RBMS3: variants seen among roughly 807,000 people sequenced by gnomAD.
The protein encoded by RBMS3 is RNA binding motif single stranded interacting protein 3.
Under a neutral mutation model 66.8 loss-of-function variants are expected in RBMS3, and 27 were observed. That is an observed-to-expected ratio of 0.40 (90% CI 0.30 to 0.56). RBMS3 has a LOEUF of 0.56. Among genes scored for constraint, RBMS3 ranks in the 20% least tolerant of loss-of-function variants. The pLI is 0.40. For missense variants in RBMS3, 513 were observed against 549.5 expected (o/e 0.93, Z 0.66); for synonymous variants, 188 against 183.0 (o/e 1.03, Z -0.22).
chr3:29,948,992 T>C (rs978028914), intron 12 of RBMS3, among the ~76,000 whole-genome samples: 2 of 151,724 alleles, frequency 1.3e-5, no homozygotes, highest in African/African-American at 2.4e-5. Flanking sequence ...GTACATGATA[T>C]GTGCGCAAGT....
chr3:29,769,144 G>T (rs559354055), intron 6 of RBMS3, among the ~76,000 whole-genome samples: 2 of 151,786 alleles, frequency 1.3e-5, no homozygotes, highest in African/African-American at 2.4e-5. Context: ...AGAGGTAGTA[G>T]TCAGGTAGCA....
At chr3:29,924,087 A>G (rs2060866355) in intron 10 of RBMS3, among the ~76,000 whole-genome samples, 1 of 152,194 alleles carries the variant, frequency 6.6e-6, no homozygotes, top group African/African-American at 2.4e-5. Context: ...TGCACAATAC[A>G]ATTCTATATA....
At chr3:29,930,252 C>A (rs2061082993) in intron 10 of RBMS3, among the ~76,000 whole-genome samples, 1 of 151,014 alleles carries the variant, frequency 6.6e-6, no homozygotes, top group Non-Finnish European at 1.5e-5. Flanking sequence ...GCTGGGACTA[C>A]AGGCGCCTAC....
chr3:29,750,513 A>G (rs1042503647), intron 5 of RBMS3, among the ~76,000 whole-genome samples: 9 of 152,214 alleles, frequency 5.9e-5, no homozygotes, highest in Admixed American at 1.3e-4. Context: ...TTTGGAATAC[A>G]TGTTAATACA....
intron 4 of RBMS3, among the ~76,000 whole-genome samples, chr3:29,662,691 G>A (rs540442181): frequency 6.6e-5 from 10 of 152,126 alleles, no homozygotes; most frequent in Admixed American, 3.9e-4. Flanking sequence ...TCCTATCCAC[G>A]TGATTCTACT....
chr3:29,457,222 G>T (rs1211702671), intron 2 of RBMS3, among the ~76,000 whole-genome samples: 1 of 152,144 alleles, frequency 6.6e-6, no homozygotes, highest in South Asian at 2.1e-4. Context: ...TCTTCTAGAT[G>T]TCTCTCGAGT....
intron 1 of RBMS3, among the ~76,000 whole-genome samples, chr3:29,387,412 C>T (rs1017561501): frequency 6.6e-5 from 10 of 152,110 alleles, no homozygotes; most frequent in African/African-American, 1.9e-4. Flanking sequence ...TTTTTTCTCA[C>T]CTGTCACATA....
At chr3:29,326,077 T>TC (rs1265291325) in intron 1 of RBMS3, among the ~76,000 whole-genome samples, 2 of 152,232 alleles carry the variant, frequency 1.3e-5, no homozygotes, top group African/African-American at 4.8e-5. Context: ...GGTGTTTTTT[T>TC]CCTAAGAAGT....
At chr3:29,285,519 G>T (rs914729106) in intron 1 of RBMS3, among the ~76,000 whole-genome samples, 4 of 152,082 alleles carry the variant, frequency 2.6e-5, no homozygotes, top group African/African-American at 7.2e-5. Context: ...CCAGTGCCCA[G>T]TTGCCAATGA....
At chr3:29,784,083 G>A (rs1245662123) in intron 6 of RBMS3, among the ~76,000 whole-genome samples, 1 of 151,884 alleles carries the variant, frequency 6.6e-6, no homozygotes, top group African/African-American at 2.4e-5. Context: ...GAGATAGAAG[G>A]CAACACAATA....
intron 4 of RBMS3, among the ~76,000 whole-genome samples, chr3:29,685,510 A>C (rs1276561914): frequency 6.6e-6 from 1 of 152,070 alleles, no homozygotes; most frequent in Non-Finnish European, 1.5e-5. Context: ...CCATCCTCTA[A>C]AAAAGGGAAG....
chr3:29,809,028 C>G (rs917292553), intron 6 of RBMS3, among the ~76,000 whole-genome samples: 1 of 151,816 alleles, frequency 6.6e-6, no homozygotes, highest in African/African-American at 2.4e-5. Flanking sequence ...AATGTATATT[C>G]TCCTTATTTT....
chr3:29,993,271 A>G (rs545227732), intron 14 of RBMS3, among the ~76,000 whole-genome samples: 7 of 152,320 alleles, frequency 4.6e-5, no homozygotes, highest in African/African-American at 1.7e-4. Flanking sequence ...ATACTGTGGT[A>G]GACTCTGAAA....
intron 3 of RBMS3, among the ~76,000 whole-genome samples, chr3:29,582,588 T>C (rs1170365048): frequency 6.6e-6 from 1 of 152,318 alleles, no homozygotes; most frequent in Admixed American, 6.5e-5. Flanking sequence ...TTTGCCAGTG[T>C]TGTGTTGAGG....
At chr3:29,851,443 G>A (rs1159336311) in intron 6 of RBMS3, among the ~76,000 whole-genome samples, 1 of 151,962 alleles carries the variant, frequency 6.6e-6, no homozygotes, top group African/African-American at 2.4e-5. Flanking sequence ...TTATTAGCTG[G>A]GTATACTTAA....
At position 29,547,897 on chromosome 3, in the gene RBMS3, G is replaced by A. The variant is rs553263231; in HGVS notation, c.308-39217G>A. ...CACAATCTCAGTTCACACAACCTCC[G>A]TCTTCTCATGTCTCAGCCTCCTGAG... On this transcript the variant is annotated intron_variant, in intron 3 of 14. Transcript: ENST00000383767. 3.4e-4 allele frequency among the ~76,000 whole-genome samples: 48 copies of A among 142,074 alleles called. No homozygotes were observed. In the South Asian group the frequency reaches 8.2e-3, roughly 24 times the overall value. The allele number at this position is 142,074 out of a possible 152,430, so 93.2% of individuals were successfully genotyped here.
chr3:29,465,647 C>T (rs1483615342), intron 2 of RBMS3, among the ~76,000 whole-genome samples: 6 of 151,244 alleles, frequency 4.0e-5, no homozygotes, highest in Admixed American at 3.3e-4. Context: ...CTGAAAAATA[C>T]TTTCAGTTGC....
At chr3:29,371,277 G>T (rs1034113550) in intron 1 of RBMS3, among the ~76,000 whole-genome samples, 12 of 152,178 alleles carry the variant, frequency 7.9e-5, no homozygotes, top group Non-Finnish European at 1.0e-4. Context: ...GAGAAGGCAG[G>T]TACAAGCCAA....
rs371005490 is a variant in RBMS3 at position 29,898,736 on chromosome 3, C to T, written c.889-969C>T. Among the ~76,000 whole-genome samples, 814 of 142,602 alleles carry T rather than the reference C, an allele frequency of 5.7e-3. 4 individuals carry two copies. Among genetic ancestry groups the T allele is most frequent in the African/African-American group, 0.02 (753 of 38,606 alleles). 93.6% of individuals were successfully genotyped at this position (142,602 alleles called of 152,430 possible). On this transcript the variant is annotated intron_variant, in intron 9 of 14. Coordinates refer to ENST00000383767, the MANE Select transcript of RBMS3 (RefSeq NM_001003793.3). ...TGCAGGCCTGCCTGGTTGTAATGTG[C>T]GTGTGTGTGTGTGTGTGTGTGTGTG...
Sources: allele counts gnomAD v4.1 joint callset (sites outside exome capture counted in the v4.1 genomes callset), GRCh38; gene constraint gnomAD v4.1.1; transcripts MANE v1.5; gene names NCBI Gene and HGNC (gene_info 2026-07-23, HGNC 2026-07-21).